The following ACTR3 variants were observed in gnomAD, a reference collection of about 807,000 sequenced individuals.
ACTR3 encodes actin-related protein 3.
Under a neutral mutation model 56.8 loss-of-function variants are expected in ACTR3, and 12 were observed. That is an observed-to-expected ratio of 0.21 (90% CI 0.14 to 0.34). The LOEUF is 0.34. Among genes scored for constraint, ACTR3 ranks in the 10% least tolerant of loss-of-function variants. The probability of loss-of-function intolerance (pLI) is 1.00; values close to 1 mark genes in which losing one functional copy is unlikely to be tolerated. For missense variants in ACTR3, 282 were observed against 512.5 expected, an observed-to-expected ratio of 0.55 and a Z score of 4.34; for synonymous variants, 162 against 167.4, an observed-to-expected ratio of 0.97 and a Z score of 0.25.
At chr2:113,890,748 G>A in intron 1 of ACTR3, 3 of 1,047,604 alleles carry the variant, frequency 2.9e-6, no homozygotes, top group Non-Finnish European at 3.4e-6. Context: ...GACTGGCCTG[G>A]CAGGGGAGCT....
rs1680321827 is a variant in ACTR3 at position 113,961,366 on chromosome 2, A to C, written c.*3911A>C. ...TAGTGCTCCAGTGGTCACAGGAACA[A>C]TAAAAAAGGAACAACGATAGAAATA... On this transcript the variant is annotated 3_prime_UTR_variant, in exon 12 of 12. Transcript: ENST00000263238. The C allele has an allele frequency of 6.6e-6, 1 of 151,962 alleles. No homozygotes were observed. The highest frequency in any genetic ancestry group is 2.1e-4 in the South Asian group (1 of 4,832). The allele number at this position is 151,962 out of a possible 1,614,324, so 9.4% of individuals were successfully genotyped here. A position where few individuals can be genotyped will look rare whatever the true frequency, so the allele number is the denominator to read the frequency against.
chr2:113,943,962 A>G (rs1326088175), intron 8 of ACTR3, among the ~76,000 whole-genome samples: 1 of 152,202 alleles, frequency 6.6e-6, no homozygotes, highest in African/African-American at 2.4e-5. Context: ...CTGAGTAAGT[A>G]GAGCCTGCAA....
At position 113,960,808 on chromosome 2, in the gene ACTR3, C is replaced by T. The variant is rs1314314899; in HGVS notation, c.*3353C>T. On this transcript the variant is annotated 3_prime_UTR_variant, in exon 12 of 12. Transcript: ENST00000263238. ...GATTTCCAACTCGGGTTAATTGGTACTAATTCTATTAGCTGGTATAAATAA... is the reference window on the plus strand; with the variant it reads ...GATTTCCAACTCGGGTTAATTGGTATTAATTCTATTAGCTGGTATAAATAA... The T allele has an allele frequency of 6.6e-6, 1 of 152,000 alleles. No individual in the cohort carries two copies. The highest frequency in any genetic ancestry group is 2.4e-5 in the African/African-American group (1 of 41,422). The allele number at this position is 152,000 out of a possible 1,614,324, so 9.4% of individuals were successfully genotyped here.
Position 113,942,374 on chromosome 2 carries a change from C to A in ACTR3, c.858+15C>A. 1.3e-6 allele frequency: 2 copies of A among 1,540,790 alleles called. No individual in the cohort carries two copies. Among genetic ancestry groups the A allele is most frequent in the South Asian group, 1.3e-5 (1 of 79,626 alleles). On this transcript the variant is annotated intron_variant, in intron 8 of 11. Coordinates refer to ENST00000263238, the MANE Select transcript of ACTR3 (RefSeq NM_005721.5). ...TTCATCCAGAGGTAATTTTTTTTAACGGAATTGTTTAAAAGTATTCAGCAG... is the reference window on the plus strand; with the variant it reads ...TTCATCCAGAGGTAATTTTTTTTAAAGGAATTGTTTAAAAGTATTCAGCAG...
chr2:113,895,862 GT>G (rs112866976), intron 1 of ACTR3, among the ~76,000 whole-genome samples: 1 of 151,794 alleles, frequency 6.6e-6, no homozygotes, highest in Non-Finnish European at 1.5e-5. Context: ...TACCTTATAG[GT>G]TTTTTTTGTT....
chr2:113,911,606 A>G (rs1679307737), intron 1 of ACTR3, among the ~76,000 whole-genome samples: 1 of 151,660 alleles, frequency 6.6e-6, no homozygotes, highest in South Asian at 2.1e-4. Context: ...TTTAATAGAG[A>G]TGGGGTTTCA....
intron 1 of ACTR3, among the ~76,000 whole-genome samples, chr2:113,899,389 G>A (rs1679060925): frequency 6.6e-6 from 1 of 151,830 alleles, no homozygotes; most frequent in South Asian, 2.1e-4. Context: ...TAAAAAAATA[G>A]AAGAACTTAA....
chr2:113,920,380 A>T (rs949720233), intron 3 of ACTR3, among the ~76,000 whole-genome samples: 1 of 152,184 alleles, frequency 6.6e-6, no homozygotes, highest in Non-Finnish European at 1.5e-5. Flanking sequence ...TTTACTTGAC[A>T]TATAATAATT....
At chr2:113,902,312 A>C (rs1679114263) in intron 1 of ACTR3, among the ~76,000 whole-genome samples, 1 of 151,916 alleles carries the variant, frequency 6.6e-6, no homozygotes, top group Admixed American at 6.6e-5. Flanking sequence ...TAGCTTCAAA[A>C]GTGCTTTTGA....
chr2:113,915,869 G>A (rs1679396289), intron 2 of ACTR3, among the ~76,000 whole-genome samples: 1 of 152,186 alleles, frequency 6.6e-6, no homozygotes, highest in Admixed American at 6.5e-5. Flanking sequence ...TTTTAATGCT[G>A]CAGGTACAGT....
chr2:113,943,215 A>G (rs374933944), intron 8 of ACTR3, among the ~76,000 whole-genome samples: 2 of 152,324 alleles, frequency 1.3e-5, no homozygotes, highest in South Asian at 2.1e-4. Flanking sequence ...AGGGGAGATA[A>G]TGGTTGAACT....
At chr2:113,925,664 GA>G (rs1679606717) in intron 3 of ACTR3, among the ~76,000 whole-genome samples, 1 of 152,138 alleles carries the variant, frequency 6.6e-6, no homozygotes, top group Non-Finnish European at 1.5e-5. Flanking sequence ...TAAAACATTT[GA>G]ATTTGTAAAC....
chr2:113,944,584 TAAAAAAAAAA>T (rs34378884), intron 8 of ACTR3, among the ~76,000 whole-genome samples: 1 of 57,992 alleles, frequency 1.7e-5, no homozygotes, highest in Non-Finnish European at 3.0e-5. Flanking sequence ...CCGTCTCTAC[TAAAAAAAAAA>T]AAAAAAAAAA....
Position 113,890,113 on chromosome 2 carries a change from C to T in ACTR3, c.-167C>T, listed in dbSNP as rs1678854285. On this transcript the variant is annotated 5_prime_UTR_variant, in exon 1 of 12. Transcript: ENST00000263238. ...GGTTGCGGAAGTGATAGCCGCCGAC[C>T]GAGCCTGCTGCTTTCTTGCTACTGC... is the stretch of plus-strand genomic sequence containing the variant. 8 of 794,596 alleles carry T rather than the reference C, an allele frequency of 1.0e-5. No homozygotes were observed. Among genetic ancestry groups the T allele is most frequent in the East Asian group, 2.9e-5 (1 of 34,166 alleles). 49.2% of individuals were successfully genotyped at this position (794,596 alleles called of 1,614,324 possible). A position where few individuals can be genotyped will look rare whatever the true frequency, so the allele number is the denominator to read the frequency against.
intron 10 of ACTR3, chr2:113,952,647 C>T (rs905092015): frequency 3.9e-5 from 6 of 152,060 alleles, no homozygotes; most frequent in African/African-American, 1.4e-4. Flanking sequence ...TGATGGCTGA[C>T]TGTTGTCAGT....
chr2:113,942,406 T>C lies in ACTR3; in HGVS notation c.858+47T>C, dbSNP rs749059635. ...GTTTAAAAGTATTCAGCAGCAAATA[T>C]GAATTAATAGATATTCAGAGAGAAT... On this transcript the variant is annotated intron_variant, in intron 8 of 11. Transcript: ENST00000263238. 2.0e-5 allele frequency: 26 copies of C among 1,313,416 alleles called. 1 individual carries two copies. The South Asian group carries it at 4.5e-4, about 23-fold the overall frequency. The allele number at this position is 1,313,416 out of a possible 1,614,324, so 81.4% of individuals were successfully genotyped here.
chr2:113,907,971 T>A (rs545097915), intron 1 of ACTR3, among the ~76,000 whole-genome samples: 1,663 of 69,310 alleles, frequency 0.024, 43 homozygotes, highest in African/African-American at 0.081. Context: ...CAAAACTCTG[T>A]CCCCCAAAAA....
intron 1 of ACTR3, among the ~76,000 whole-genome samples, chr2:113,893,500 ACCAGGATGGTCTC>A (rs1357594141): frequency 3.3e-5 from 5 of 151,950 alleles, no homozygotes; most frequent in Non-Finnish European, 7.4e-5. Context: ...CACCATGTTG[ACCAGGATGGTCTC>A]CATCTCCTGA....
At chr2:113,913,931 A>C (rs1394763940) in intron 2 of ACTR3, among the ~76,000 whole-genome samples, 1 of 152,210 alleles carries the variant, frequency 6.6e-6, no homozygotes, top group African/African-American at 2.4e-5. Context: ...TTTTTTGTAC[A>C]TAATATAGTA....
Sources: gnomAD v4.1 joint callset for allele counts (sites outside exome capture counted in the v4.1 genomes callset) on GRCh38, gnomAD v4.1.1 for gene constraint, MANE v1.5 for transcripts, NCBI Gene and HGNC (gene_info 2026-07-23, HGNC 2026-07-21) for gene names.